The following AGBL4 variants were observed in gnomAD, a reference collection of about 807,000 sequenced individuals.
AGBL4 encodes the protein AGBL carboxypeptidase 4.
In AGBL4, 58 loss-of-function variants were observed where a neutral mutation model predicts 66.4. That is an observed-to-expected ratio of 0.87 (90% CI 0.71 to 1.09). The LOEUF is 1.09. Among genes scored for constraint, AGBL4 ranks in the 50% least tolerant of loss-of-function variants. The probability of loss-of-function intolerance (pLI) is 0.00; values close to 1 mark genes in which losing one functional copy is unlikely to be tolerated. For synonymous variants in AGBL4, 234 were observed against 222.9 expected, an observed-to-expected ratio of 1.05 and a Z score of -0.44; for missense variants, 579 against 631.0, an observed-to-expected ratio of 0.92 and a Z score of 0.88.
At chr1:49,770,394 T>C (rs1426334430) in intron 2 of AGBL4, among the ~76,000 whole-genome samples, 1 of 152,180 alleles carries the variant, frequency 6.6e-6, no homozygotes, top group Non-Finnish European at 1.5e-5. Flanking sequence ...GCAGATGATG[T>C]TTTTTAATTT....
chr1:49,054,304 G>A (rs546754556), intron 4 of AGBL4, among the ~76,000 whole-genome samples: 21 of 152,080 alleles, frequency 1.4e-4, no homozygotes, highest in Middle Eastern at 3.4e-3. Flanking sequence ...TCCAATTCAT[G>A]TAACCAAAGT....
At chr1:49,289,750 T>C (rs565626375) in intron 3 of AGBL4, among the ~76,000 whole-genome samples, 2 of 152,282 alleles carry the variant, frequency 1.3e-5, no homozygotes, top group African/African-American at 2.4e-5. Flanking sequence ...TTAAATTGCA[T>C]ATATGAGAAT....
intron 5 of AGBL4, among the ~76,000 whole-genome samples, chr1:48,948,480 C>T (rs1656704408): frequency 1.3e-5 from 2 of 152,190 alleles, no homozygotes; most frequent in Non-Finnish European, 2.9e-5. Context: ...CTGAAAACCC[C>T]AGTGTTTTGG....
intron 1 of AGBL4, among the ~76,000 whole-genome samples, chr1:49,867,333 A>T (rs1054010366): frequency 9.5e-5 from 14 of 147,898 alleles, no homozygotes; most frequent in Admixed American, 2.7e-4. Context: ...ATATATATTT[A>T]TATATATATA....
chr1:49,003,954 G>A (rs866808521), intron 5 of AGBL4, among the ~76,000 whole-genome samples: 1 of 152,118 alleles, frequency 6.6e-6, no homozygotes, highest in Non-Finnish European at 1.5e-5. Flanking sequence ...GCTTCCCACT[G>A]GGACTTTGGT....
intron 1 of AGBL4, among the ~76,000 whole-genome samples, chr1:49,976,906 T>A (rs1429348149): frequency 6.6e-6 from 1 of 152,212 alleles, no homozygotes; most frequent in Non-Finnish European, 1.5e-5. Flanking sequence ...ATTTCTTAAC[T>A]TAATCAATTT....
intron 2 of AGBL4, chr1:49,842,361 CTG>C (rs1337071676): frequency 1.0e-5 from 6 of 574,626 alleles, no homozygotes; most frequent in Admixed American, 8.0e-5. Context: ...GCGGTGGACT[CTG>C]GAGTTCCCCA....
chr1:49,194,699 A>C (rs1647192143), intron 4 of AGBL4, among the ~76,000 whole-genome samples: 1 of 152,176 alleles, frequency 6.6e-6, no homozygotes, highest in South Asian at 2.1e-4. Context: ...ATCAAGTAAG[A>C]GACAGACTTG....
At position 49,506,370 on chromosome 1, in the gene AGBL4, C is replaced by T. The variant is rs534001426; in HGVS notation, c.282+190943G>A. ...CATGTTGATATGGTTTGGCTATGTC[C>T]CCACCTGAGCCTCATCTTGAATTGT... On this transcript the variant is annotated intron_variant, in intron 3 of 13. Coordinates refer to ENST00000371839, the MANE Select transcript of AGBL4 (RefSeq NM_032785.4). 1.3e-4 allele frequency among the ~76,000 whole-genome samples: 19 copies of T among 151,876 alleles called. 1 individual carries two copies. The South Asian group carries it at 4.0e-3, about 32-fold the overall frequency.
chr1:49,364,081 C>T lies in AGBL4; in HGVS notation c.283-118217G>A, dbSNP rs181459051. Reference sequence around the variant, plus strand: ...GTAAGCGGGAAGAAATTACTGTAGGCAGAGAACAGAGTTGTGCAAAGGCAG... The same window carrying T: ...GTAAGCGGGAAGAAATTACTGTAGGTAGAGAACAGAGTTGTGCAAAGGCAG... On this transcript the variant is annotated intron_variant, in intron 3 of 13. Coordinates refer to ENST00000371839, the MANE Select transcript of AGBL4 (RefSeq NM_032785.4). Among the ~76,000 whole-genome samples the T allele has an allele frequency of 9.6e-4, 146 of 152,186 alleles. 2 individuals carry two copies. Among genetic ancestry groups the T allele is most frequent in the Admixed American group, 2.7e-3 (42 of 15,294 alleles).
chr1:49,263,577 AAAT>A (rs1461510062), intron 3 of AGBL4, among the ~76,000 whole-genome samples: 1 of 152,162 alleles, frequency 6.6e-6, no homozygotes, highest in African/African-American at 2.4e-5. Context: ...TAAATTAAGA[AAAT>A]AATGAAATTT....
intron 1 of AGBL4, among the ~76,000 whole-genome samples, chr1:49,935,716 C>A (rs1426838841): frequency 6.6e-6 from 1 of 152,184 alleles, no homozygotes; most frequent in Non-Finnish European, 1.5e-5. Flanking sequence ...TGCTGATACC[C>A]AGGCAAACAG....
intron 5 of AGBL4, among the ~76,000 whole-genome samples, chr1:49,013,057 G>T (rs1265067616): frequency 6.6e-6 from 1 of 152,198 alleles, no homozygotes; most frequent in Non-Finnish European, 1.5e-5. Context: ...CAGAAGCTGA[G>T]CAGATGCTGG....
At chr1:49,283,374 T>C (rs889881196) in intron 3 of AGBL4, among the ~76,000 whole-genome samples, 5 of 152,072 alleles carry the variant, frequency 3.3e-5, no homozygotes, top group African/African-American at 1.2e-4. Context: ...CATCTGTACA[T>C]CACCATCATC....
intron 1 of AGBL4, 39 bp from the exon 2 acceptor site, chr1:49,851,557 G>C: frequency 6.5e-7 from 1 of 1,537,156 alleles, no homozygotes; most frequent in Non-Finnish European, 8.8e-7. Flanking sequence ...AAGTATATTC[G>C]GCAATTGAAG....
intron 5 of AGBL4, among the ~76,000 whole-genome samples, chr1:49,026,954 G>A (rs1663746559): frequency 6.6e-6 from 1 of 152,086 alleles, no homozygotes; most frequent in African/African-American, 2.4e-5. Flanking sequence ...GGACAGTAAA[G>A]GGGAGAAGGC....
chr1:49,309,472 T>C (rs1360500180), intron 3 of AGBL4, among the ~76,000 whole-genome samples: 1 of 152,136 alleles, frequency 6.6e-6, no homozygotes, highest in East Asian at 1.9e-4. Flanking sequence ...CTGTAGACCA[T>C]GTTTTAACAA....
intron 3 of AGBL4, among the ~76,000 whole-genome samples, chr1:49,585,906 C>T (rs756567095): frequency 3.3e-5 from 5 of 152,072 alleles, no homozygotes; most frequent in Non-Finnish European, 5.9e-5. Flanking sequence ...GAATCAGATG[C>T]CATAAAAATA....
chr1:49,549,298 G>A (rs552232060), intron 3 of AGBL4, among the ~76,000 whole-genome samples: 5 of 149,824 alleles, frequency 3.3e-5, no homozygotes, highest in Non-Finnish European at 7.4e-5. Flanking sequence ...CCTGATCTTG[G>A]TTATTTCCTT....
Sources: gnomAD v4.1 joint callset for allele counts (sites outside exome capture counted in the v4.1 genomes callset) on GRCh38, gnomAD v4.1.1 for gene constraint, MANE v1.5 for transcripts, NCBI Gene and HGNC (gene_info 2026-07-23, HGNC 2026-07-21) for gene names.